The following ICE2 variants were observed in gnomAD, a reference collection of about 807,000 sequenced individuals.
ICE2 encodes the protein interactor of little elongation complex ELL subunit 2.
Under a neutral mutation model 105.4 loss-of-function variants are expected in ICE2, and 87 were observed. The ratio of observed to expected loss-of-function variants is 0.83; its 90% CI spans 0.69 to 0.99. ICE2 has a LOEUF of 0.99. Among genes scored for constraint, ICE2 ranks in the 50% least tolerant of loss-of-function variants. The pLI is 0.00. For missense variants in ICE2, 1,323 were observed against 1,146.7 expected, an observed-to-expected ratio of 1.15 and a Z score of -2.22; for synonymous variants, 399 against 392.0, an observed-to-expected ratio of 1.02 and a Z score of -0.21.
At position 60,455,461 on chromosome 15, in the gene ICE2, T is replaced by A. The variant is rs767218858; in HGVS notation, c.667-19A>T. ...CACTGCCCTAAATATGAAAAAAAAA[T>A]CATTTTATTGCAAAAATCGCAATGT... On this transcript the variant is annotated intron_variant, in intron 6 of 15. Transcript: ENST00000261520. 6.7e-7 allele frequency: 1 copy of A among 1,484,460 alleles called. No homozygotes were observed. Among genetic ancestry groups the A allele is most frequent in the Admixed American group, 1.8e-5 (1 of 55,236 alleles). 92.0% of individuals were successfully genotyped at this position (1,484,460 alleles called of 1,614,324 possible).
At chr15:60,432,622 G>C (rs2063487255) in intron 13 of ICE2, among the ~76,000 whole-genome samples, 1 of 152,014 alleles carries the variant, frequency 6.6e-6, no homozygotes, top group Non-Finnish European at 1.5e-5. Context: ...GCCGGGTGCA[G>C]TGGCTCACGC....
At chr15:60,459,906 A>G (rs1307640835) in intron 5 of ICE2, among the ~76,000 whole-genome samples, 5 of 152,238 alleles carry the variant, frequency 3.3e-5, no homozygotes, top group Non-Finnish European at 5.9e-5. Context: ...AAACACAGAA[A>G]AAGTAAAAGA....
intron 5 of ICE2, among the ~76,000 whole-genome samples, 183 bp downstream of exon 5, chr15:60,466,411 T>C (rs1046998217): frequency 2.6e-5 from 4 of 152,218 alleles, no homozygotes; most frequent in Non-Finnish European, 2.9e-5. Context: ...AAATATACTA[T>C]AGTACACAAT....
chr15:60,478,820 C>G, intron 1 of ICE2, 183 bp downstream of exon 1: 1 of 380,322 alleles, frequency 2.6e-6, no homozygotes, highest in Non-Finnish European at 5.3e-6. Flanking sequence ...AGAGGGGAAA[C>G]AAGGTTCCAG....
At chr15:60,441,236 A>AAGG (rs2063713536) in intron 12 of ICE2, 1 of 152,160 alleles carries the variant, frequency 6.6e-6, no homozygotes. Flanking sequence ...TATGTGTATG[A>AAGG]AGGAGGAGGA....
chr15:60,455,119 T>TA lies in ICE2; in HGVS notation c.826dup (p.Tyr276LeufsTer9), dbSNP rs1402347319. On this transcript the variant is annotated frameshift_variant, in exon 8 of 16. Coordinates refer to ENST00000261520, the MANE Select transcript of ICE2 (RefSeq NM_024611.6). LOFTEE classifies it high-confidence loss of function. ...ACTAGTTAGAGCTATCTGAGGGTGATATCTGGAAACAAGCTTCTCTGCATT... is the reference window on the plus strand; with the variant it reads ...ACTAGTTAGAGCTATCTGAGGGTGATAATCTGGAAACAAGCTTCTCTGCATT... 1 of 1,591,076 alleles carries TA rather than the reference T, an allele frequency of 6.3e-7. No homozygotes were observed.
At chr15:60,464,682 T>C (rs1207832534) in intron 5 of ICE2, among the ~76,000 whole-genome samples, 1 of 135,604 alleles carries the variant, frequency 7.4e-6, no homozygotes, top group African/African-American at 2.8e-5. Flanking sequence ...AAAGTGAGGA[T>C]GGGGGATGGG....
chr15:60,451,928 C>T, intron 9 of ICE2: 2 of 290,246 alleles, frequency 6.9e-6, no homozygotes, highest in Non-Finnish European at 1.0e-5. Context: ...CTCAGCCCTA[C>T]AATTCCTCAC....
rs914827000 is a variant in ICE2, at chr15:60,421,372, T to C, written c.*2262A>G. 2.0e-5 allele frequency: 3 copies of C among 152,128 alleles called. No individual in the cohort carries two copies. Among genetic ancestry groups the C allele is most frequent in the African/African-American group, 7.2e-5 (3 of 41,434 alleles). 9.4% of individuals were successfully genotyped at this position (152,128 alleles called of 1,614,324 possible). A position where few individuals can be genotyped will look rare whatever the true frequency, so the allele number is the denominator to read the frequency against. The stretch of plus-strand genomic sequence containing the variant: ...CTGGGATTACATCCTGCTAAACATA[T>C]TGTCAGTTACTTCTTGGCTTATAAA... On this transcript the variant is annotated 3_prime_UTR_variant, in exon 16 of 16. Coordinates refer to ENST00000261520, the MANE Select transcript of ICE2 (RefSeq NM_024611.6).
intron 3 of ICE2, among the ~76,000 whole-genome samples, chr15:60,473,658 G>C (rs1454831893): frequency 6.6e-6 from 1 of 152,046 alleles, no homozygotes; most frequent in Non-Finnish European, 1.5e-5. Flanking sequence ...AGAATTTATA[G>C]GCATTTTTTG....
At chr15:60,447,444 T>C (rs1235371107) in intron 11 of ICE2, 2 of 152,214 alleles carry the variant, frequency 1.3e-5, no homozygotes, top group Non-Finnish European at 2.9e-5. Context: ...AGATTTTGGA[T>C]TTTTTTCTGG....
In ICE2 at chr15:60,420,052, T is replaced by G. The variant is rs1486675281; in HGVS notation, c.*3582A>C. 1 of 152,210 alleles carries G rather than the reference T, an allele frequency of 6.6e-6. No individual in the cohort carries two copies. Among genetic ancestry groups the G allele is most frequent in the Non-Finnish European group, 1.5e-5 (1 of 68,044 alleles). The allele number at this position is 152,210 out of a possible 1,614,324, so 9.4% of individuals were successfully genotyped here. On this transcript the variant is annotated 3_prime_UTR_variant, in exon 16 of 16. Coordinates refer to ENST00000261520, the MANE Select transcript of ICE2 (RefSeq NM_024611.6). The stretch of plus-strand genomic sequence containing the variant: ...CTTACAGAAACTGTGAGATAATGTT[T>G]GTTGTTTTAAGTAGCTAAGTTTTGG...
chr15:60,454,443 CA>C (rs2064045867), intron 8 of ICE2, among the ~76,000 whole-genome samples: 2 of 152,190 alleles, frequency 1.3e-5, no homozygotes, highest in Admixed American at 1.3e-4. Flanking sequence ...ACAACCTGAC[CA>C]TTTCATGTAT....
intron 12 of ICE2, chr15:60,439,505 T>G (rs1237511219): frequency 6.6e-6 from 1 of 152,184 alleles, no homozygotes; most frequent in Non-Finnish European, 1.5e-5. Flanking sequence ...CTCAGTCTCC[T>G]GAGTAGCTGG....
chr15:60,471,605 C>T (rs962314686), intron 3 of ICE2, among the ~76,000 whole-genome samples: 3 of 152,230 alleles, frequency 2.0e-5, no homozygotes, highest in Admixed American at 6.5e-5. Context: ...AATGGTAGCA[C>T]ATCAAGATCA....
intron 5 of ICE2, among the ~76,000 whole-genome samples, chr15:60,463,080 G>C (rs1047199709): frequency 6.6e-6 from 1 of 152,240 alleles, no homozygotes; most frequent in Middle Eastern, 3.4e-3. Context: ...ATGCCTAATT[G>C]TAAGTAAATA....
chr15:60,459,842 CAG>C (rs931935423), intron 5 of ICE2, among the ~76,000 whole-genome samples: 11 of 151,866 alleles, frequency 7.2e-5, no homozygotes, highest in African/African-American at 2.4e-4. Context: ...TCCAAACCAA[CAG>C]AGAGGGGGAC....
At position 60,449,652 on chromosome 15, in the gene ICE2, T is replaced by C. The variant is rs552923934; in HGVS notation, c.1315A>G (p.Thr439Ala). 1 of 1,614,136 alleles carries C rather than the reference T, an allele frequency of 6.2e-7. No homozygotes were observed. The highest frequency in any genetic ancestry group is 2.2e-5 in the East Asian group (1 of 44,876). Residue 439 changes from threonine (T) to alanine (A), a missense_variant, in exon 10 of 16, where the codon ACT (threonine) becomes GCT (alanine). Coordinates refer to ENST00000261520, the MANE Select transcript of ICE2 (RefSeq NM_024611.6). ...TDAPTAPKAG[T>A]TTVAPSAPDI... The stretch of plus-strand genomic sequence containing the variant: ...GGTGCACTTGGTGCCACAGTTGTAG[T>C]TCCTGCTTTGGGGGCTGTAGGAGCA...
At chr15:60,445,980 C>T (rs2063814006) in intron 11 of ICE2, among the ~76,000 whole-genome samples, 1 of 152,138 alleles carries the variant, frequency 6.6e-6, no homozygotes, top group Admixed American at 6.5e-5. Context: ...TTAGTTAACA[C>T]AGATGAGGCA....
Sources: allele counts gnomAD v4.1 joint callset (sites outside exome capture counted in the v4.1 genomes callset), GRCh38; gene constraint gnomAD v4.1.1; transcripts MANE v1.5; gene names NCBI Gene and HGNC (gene_info 2026-07-23, HGNC 2026-07-21).